The following CASTOR2 variants were observed in gnomAD, a reference collection of about 807,000 sequenced individuals.
CASTOR2 encodes the protein cytosolic arginine sensor for mTORC1 subunit 2.
In CASTOR2, 8 loss-of-function variants were observed where a neutral mutation model predicts 31.2. That is an observed-to-expected ratio of 0.26 (90% CI 0.15 to 0.46). The LOEUF is 0.46. Among genes scored for constraint, CASTOR2 ranks in the 20% least tolerant of loss-of-function variants. CASTOR2 has a pLI of 0.99. For synonymous variants in CASTOR2, 162 were observed against 158.7 expected (o/e 1.02, Z -0.16); for missense variants, 216 against 382.1 (o/e 0.57, Z 3.62).
intron 1 of CASTOR2, among the ~76,000 whole-genome samples, chr7:75,001,208 CT>C (rs1385203147): frequency 2.6e-5 from 4 of 152,122 alleles, no homozygotes; most frequent in Non-Finnish European, 5.9e-5. Flanking sequence ...TCCTGAGTAG[CT>C]GAGACTACAG....
At chr7:74,996,078 G>A (rs1804339652) in intron 1 of CASTOR2, among the ~76,000 whole-genome samples, 1 of 152,140 alleles carries the variant, frequency 6.6e-6, no homozygotes, top group South Asian at 2.1e-4. Flanking sequence ...GGGGTGCTGA[G>A]CGTGGCAGAG....
intron 1 of CASTOR2, among the ~76,000 whole-genome samples, chr7:74,978,104 A>ATTTTTT (rs4029892): frequency 2.2e-5 from 3 of 137,040 alleles, no homozygotes; most frequent in South Asian, 4.6e-4. Flanking sequence ...GCACACCCCA[A>ATTTTTT]TTTTTTTTTT....
Position 75,000,065 on chromosome 7 carries a change from A to C in CASTOR2, c.114-7929A>C, listed in dbSNP as rs1276613639. 1.2e-4 allele frequency among the ~76,000 whole-genome samples: 18 copies of C among 152,274 alleles called. No individual in the cohort carries two copies. The East Asian group carries it at 2.7e-3, about 23-fold the overall frequency. On this transcript the variant is annotated intron_variant, in intron 1 of 8. Transcript: ENST00000616305. The stretch of plus-strand genomic sequence containing the variant: ...AATATAGCAAGACCCCGTCTCCACA[A>C]ACATTTAAAAATTAGCCAGCCATGG...
rs1805094127 is a variant in CASTOR2, at chr7:75,025,207, T to G, written c.*508T>G. On this transcript the variant is annotated 3_prime_UTR_variant, in exon 9 of 9. Coordinates refer to ENST00000616305, the MANE Select transcript of CASTOR2 (RefSeq NM_001145064.3). ...CAGCTCAGGGCTGGTTCCCTCGGAGTGGAGGCCAGCGTGGCCCCCTCAGGT... is the reference window on the plus strand; with the variant it reads ...CAGCTCAGGGCTGGTTCCCTCGGAGGGGAGGCCAGCGTGGCCCCCTCAGGT... Among the ~76,000 whole-genome samples, 1 of 152,058 alleles carries G rather than the reference T, an allele frequency of 6.6e-6. No homozygotes were observed. The highest frequency in any genetic ancestry group is 1.5e-5 in the Non-Finnish European group (1 of 67,988).
rs1441613428 is a variant in CASTOR2 at position 74,999,730 on chromosome 7, G to A, written c.114-8264G>A. Among the ~76,000 whole-genome samples, 9 of 141,252 alleles carry A rather than the reference G, an allele frequency of 6.4e-5. No individual in the cohort carries two copies. In the South Asian group the frequency reaches 1.6e-3, roughly 26 times the overall value. The allele number at this position is 141,252 out of a possible 152,430, so 92.7% of individuals were successfully genotyped here. A position where few individuals can be genotyped will look rare whatever the true frequency, so the allele number is the denominator to read the frequency against. ...CCTCCCAGATTCAAGTGATTCTCTC[G>A]CCCCAGCCTCCCGAGTAGCTGGGAC... On this transcript the variant is annotated intron_variant, in intron 1 of 8. Coordinates refer to ENST00000616305, the MANE Select transcript of CASTOR2 (RefSeq NM_001145064.3).
In CASTOR2 at chr7:75,018,130, G is replaced by A; in HGVS notation, c.511+8G>A. On this transcript the variant is annotated splice_region_variant and intron_variant, in intron 4 of 8. Transcript: ENST00000616305. The stretch of plus-strand genomic sequence containing the variant: ...TCGTGAAGCCCAAGCTGGGTGAGCT[G>A]GGGGCGGGGGTTTGTGCAGGGGAAA... The A allele has an allele frequency of 6.2e-7, 1 of 1,613,792 alleles. No individual in the cohort carries two copies. The highest frequency in any genetic ancestry group is 1.7e-5 in the Admixed American group (1 of 59,948).
intron 1 of CASTOR2, among the ~76,000 whole-genome samples, chr7:75,000,129 G>C (rs1410110899): frequency 6.6e-6 from 1 of 152,200 alleles, no homozygotes; most frequent in Non-Finnish European, 1.5e-5. Context: ...AGGAGGCTGA[G>C]GTGGGAGGAT....
chr7:75,014,055 G>T (rs1343014270), intron 2 of CASTOR2, among the ~76,000 whole-genome samples: 8 of 152,104 alleles, frequency 5.3e-5, no homozygotes, highest in African/African-American at 1.9e-4. Flanking sequence ...TGAGCACTGT[G>T]TGCAGTGCTA....
chr7:75,025,845 C>G lies in CASTOR2; in HGVS notation c.*1146C>G, dbSNP rs899228284. Among the ~76,000 whole-genome samples the G allele has an allele frequency of 1.6e-4, 25 of 152,362 alleles. No homozygotes were observed. The East Asian group carries it at 4.8e-3, about 29-fold the overall frequency. On this transcript the variant is annotated 3_prime_UTR_variant, in exon 9 of 9. Coordinates refer to ENST00000616305, the MANE Select transcript of CASTOR2 (RefSeq NM_001145064.3). ...AAGGGAGCCTGGAGGCTCTGTGTCA[C>G]TAAGCTGGTGCTCTGTGGCTCCAGG...
chr7:75,013,972 G>C, intron 2 of CASTOR2, among the ~76,000 whole-genome samples: 1 of 151,968 alleles, frequency 6.6e-6, no homozygotes, highest in East Asian at 1.9e-4. Flanking sequence ...CAAGTGATCT[G>C]CCTGCCTTGG....
In CASTOR2 at chr7:75,026,661, CTTTT is replaced by C. The variant is rs1350863724; in HGVS notation, c.*1971_*1974del. Among the ~76,000 whole-genome samples, 1 of 147,478 alleles carries C rather than the reference CTTTT, an allele frequency of 6.8e-6. No individual in the cohort carries two copies. The highest frequency in any genetic ancestry group is 2.5e-5 in the African/African-American group (1 of 40,324). ...GCCCACCACATTAATTAGAAACCAA[CTTTT>C]TTTTTTTTAAGTTAATTTGTTTTGC... On this transcript the variant is annotated 3_prime_UTR_variant, in exon 9 of 9. Transcript: ENST00000616305.
In CASTOR2 at chr7:75,027,476, C is replaced by G. The variant is rs1011401945; in HGVS notation, c.*2777C>G. Reference sequence around the variant, plus strand: ...GCCACACGCTGCCTGTGTCCTGCCTCCGTGGGTGGCACTTTTTACGCAGGC... The same window carrying G: ...GCCACACGCTGCCTGTGTCCTGCCTGCGTGGGTGGCACTTTTTACGCAGGC... On this transcript the variant is annotated 3_prime_UTR_variant, in exon 9 of 9. Coordinates refer to ENST00000616305, the MANE Select transcript of CASTOR2 (RefSeq NM_001145064.3). The G allele has an allele frequency of 1.3e-5, 2 of 159,602 alleles. No individual in the cohort carries two copies. Among genetic ancestry groups the G allele is most frequent in the Non-Finnish European group, 2.8e-5 (2 of 71,910 alleles). The allele number at this position is 159,602 out of a possible 1,614,324, so 9.9% of individuals were successfully genotyped here. A position where few individuals can be genotyped will look rare whatever the true frequency, so the allele number is the denominator to read the frequency against.
At chr7:74,989,507 T>C (rs1428320558) in intron 1 of CASTOR2, among the ~76,000 whole-genome samples, 1 of 151,640 alleles carries the variant, frequency 6.6e-6, no homozygotes, top group Non-Finnish European at 1.5e-5. Flanking sequence ...CCACAGCCTC[T>C]ACCACCCAGG....
At chr7:74,969,312 T>G (rs587658393) in intron 1 of CASTOR2, among the ~76,000 whole-genome samples, 2 of 110,170 alleles carry the variant, frequency 1.8e-5, no homozygotes, top group East Asian at 2.4e-4. Flanking sequence ...AGATAGGGTC[T>G]TCTTCTGTCA....
intron 5 of CASTOR2, 113 bp downstream of exon 5, chr7:75,019,208 G>T: frequency 6.5e-7 from 1 of 1,527,744 alleles, no homozygotes; most frequent in South Asian, 1.2e-5. Context: ...TCTGAGGGAA[G>T]AGACACAGAC....
chr7:74,994,690 C>T (rs1804296994), intron 1 of CASTOR2, among the ~76,000 whole-genome samples: 1 of 151,342 alleles, frequency 6.6e-6, no homozygotes, highest in African/African-American at 2.4e-5. Flanking sequence ...GCAGAGGTTG[C>T]GGTGAGCCGA....
intron 6 of CASTOR2, among the ~76,000 whole-genome samples, chr7:75,021,111 C>T (rs1203353492): frequency 2.0e-5 from 3 of 152,330 alleles, no homozygotes; most frequent in African/African-American, 7.2e-5. Flanking sequence ...CCTGCCTCAG[C>T]CTCCCGAGTA....
Position 75,017,742 on chromosome 7 carries a change from A to G in CASTOR2, c.329A>G (p.Gln110Arg). The G allele has an allele frequency of 6.2e-7, 1 of 1,614,036 alleles. No individual in the cohort carries two copies. Among genetic ancestry groups the G allele is most frequent in the South Asian group, 1.1e-5 (1 of 91,082 alleles). Residue 110 changes from glutamine to arginine, a missense_variant, in exon 3 of 9, where the codon CAG (glutamine) becomes CGG (arginine). Physicochemically the swap from Gln to Arg is conservative, Grantham distance 43. Transcript: ENST00000616305. ...TCAGTCATCGCCCCACTGGCTGACC[A>G]GAACATATCCGTGTTCATGCTGTCC... is the stretch of plus-strand genomic sequence containing the variant. ...AKSVIAPLAD[Q>R]NISVFMLSTY...
intron 1 of CASTOR2, among the ~76,000 whole-genome samples, chr7:75,000,183 G>T (rs1335756129): frequency 1.3e-5 from 2 of 152,198 alleles, no homozygotes; most frequent in Non-Finnish European, 2.9e-5. Flanking sequence ...CTATGATCAT[G>T]CCAGTGCACT....
Sources: allele counts gnomAD v4.1 joint callset (sites outside exome capture counted in the v4.1 genomes callset), GRCh38; gene constraint gnomAD v4.1.1; transcripts MANE v1.5; gene names NCBI Gene and HGNC (gene_info 2026-07-23, HGNC 2026-07-21).